PTGER4: variants seen among roughly 807,000 people sequenced by gnomAD.
The protein encoded by PTGER4 is prostaglandin E2 receptor EP4 subtype.
A neutral mutation model predicts 33.2 loss-of-function variants in PTGER4; 11 were observed. The ratio of observed to expected loss-of-function variants is 0.33; its 90% CI spans 0.21 to 0.55. PTGER4 has a LOEUF of 0.55. Ranked by LOEUF, PTGER4 falls within the 20% of genes least tolerant of loss-of-function variation. The probability of loss-of-function intolerance (pLI) is 0.92; values close to 1 mark genes in which losing one functional copy is unlikely to be tolerated. For missense variants in PTGER4, 481 were observed against 650.2 expected (o/e 0.74, Z 2.83); for synonymous variants, 275 against 281.5 (o/e 0.98, Z 0.23).
the PTGER4 span, among the ~76,000 whole-genome samples, chr5:40,727,744 T>C: frequency 2.0e-5 from 3 of 152,202 alleles, no homozygotes; most frequent in Admixed American, 2.0e-4. Context: ...AGTTGCCTAT[T>C]GTCTATTTAA....
At chr5:40,715,127 TAAC>T in the PTGER4 span, 1 of 152,222 alleles carries the variant, frequency 6.6e-6, no homozygotes, top group East Asian at 1.9e-4. Flanking sequence ...GGCACTCTAA[TAAC>T]AGCCCTACTT....
the PTGER4 span, among the ~76,000 whole-genome samples, chr5:40,741,713 G>A: frequency 1.5e-3 from 227 of 152,244 alleles, no homozygotes; most frequent in African/African-American, 5.4e-3. Context: ...GCTCAGCCAC[G>A]CACGGTAGCT....
chr5:40,716,057 CCTAT>C, the PTGER4 span: 15 of 1,123,132 alleles, frequency 1.3e-5, no homozygotes, highest in Admixed American at 6.0e-5. Context: ...CAGGCGTTCT[CCTAT>C]CTATCTCCAG....
the PTGER4 span, among the ~76,000 whole-genome samples, chr5:40,722,647 A>T: frequency 6.6e-6 from 1 of 150,586 alleles, no homozygotes; most frequent in Non-Finnish European, 1.5e-5. Context: ...CCCGTCTGGG[A>T]AGTGAGGCGT....
chr5:40,730,615 C>T, the PTGER4 span, among the ~76,000 whole-genome samples: 10 of 152,144 alleles, frequency 6.6e-5, no homozygotes, highest in African/African-American at 2.2e-4. Context: ...CCTCCACCCC[C>T]GGGCAAACAC....
downstream of PTGER4, chr5:40,696,702 A>C: frequency 4.1e-6 from 4 of 985,098 alleles, no homozygotes; most frequent in Non-Finnish European, 4.8e-6. Context: ...AGAGAACACC[A>C]GTCACTTTTC....
At chr5:40,689,864 CTAAA>C (rs766290329) in intron 2 of PTGER4, among the ~76,000 whole-genome samples, 2 of 152,094 alleles carry the variant, frequency 1.3e-5, no homozygotes, top group South Asian at 4.1e-4. Context: ...GAAATAATTA[CTAAA>C]TAATTACTTA....
Position 40,692,080 on chromosome 5 carries a change from G to A in PTGER4, c.1169G>A (p.Ser390Asn), listed in dbSNP as rs1741488325. ...TCCCGGGAGCTGAAGGAGATCAGCAGTACATCTCAGACCCTCCTGCCAGAC... is the reference window on the plus strand; with the variant it reads ...TCCCGGGAGCTGAAGGAGATCAGCAATACATCTCAGACCCTCCTGCCAGAC... ...FISRELKEIS[S>N]TSQTLLPDLS... The change falls in exon 3 of 3, where the codon AGT (serine) becomes AAT (asparagine). Residue 390 changes from serine (S) to asparagine (N), a missense_variant. By Grantham distance (46) the Ser-to-Asn change is conservative. Coordinates refer to ENST00000302472, the MANE Select transcript of PTGER4 (RefSeq NM_000958.3). 1 of 1,614,102 alleles carries A rather than the reference G, an allele frequency of 6.2e-7. No homozygotes were observed. The highest frequency in any genetic ancestry group is 8.5e-7 in the Non-Finnish European group (1 of 1,180,052).
At chr5:40,722,319 G>C in the PTGER4 span, among the ~76,000 whole-genome samples, 2 of 152,152 alleles carry the variant, frequency 1.3e-5, no homozygotes, top group Admixed American at 6.5e-5. Context: ...TCCTCTGCCC[G>C]GCCGCCACCC....
the PTGER4 span, among the ~76,000 whole-genome samples, chr5:40,717,534 G>T: frequency 6.6e-6 from 1 of 152,280 alleles, no homozygotes; most frequent in Non-Finnish European, 1.5e-5. Context: ...TGGAAGGGCT[G>T]TCCTCTATAA....
At chr5:40,723,962 G>A in the PTGER4 span, among the ~76,000 whole-genome samples, 1 of 152,144 alleles carries the variant, frequency 6.6e-6, no homozygotes, top group Non-Finnish European at 1.5e-5. Context: ...AAATGGTGTA[G>A]CCATTATGGA....
Position 40,692,087 on chromosome 5 carries a change from T to G in PTGER4, c.1176T>G (p.Ser392=). ...AGCTGAAGGAGATCAGCAGTACATCTCAGACCCTCCTGCCAGACCTCTCAC... is the reference window on the plus strand; with the variant it reads ...AGCTGAAGGAGATCAGCAGTACATCGCAGACCCTCCTGCCAGACCTCTCAC... The part of the protein sequence containing the change: ...SRELKEISST[S]QTLLPDLSLP... Residue 392 remains serine (S), a synonymous_variant, in exon 3 of 3, where the codon TCT becomes TCG. Transcript: ENST00000302472. 6.2e-7 allele frequency: 1 copy of G among 1,614,210 alleles called. No individual in the cohort carries two copies. The highest frequency in any genetic ancestry group is 8.5e-7 in the Non-Finnish European group (1 of 1,180,038).
chr5:40,715,021 A>C, the PTGER4 span: 1 of 152,068 alleles, frequency 6.6e-6, no homozygotes, highest in African/African-American at 2.4e-5. Flanking sequence ...ACTTTCAATA[A>C]AATTTTTTTT....
the PTGER4 span, among the ~76,000 whole-genome samples, chr5:40,721,066 T>C: frequency 2.0e-5 from 3 of 152,102 alleles, no homozygotes; most frequent in Non-Finnish European, 4.4e-5. Context: ...CGAAGAAAAT[T>C]CCCAGCTCCC....
the PTGER4 span, among the ~76,000 whole-genome samples, chr5:40,731,291 G>A: frequency 1.3e-5 from 2 of 152,054 alleles, no homozygotes; most frequent in African/African-American, 4.8e-5. Flanking sequence ...ACACATACCT[G>A]TGCTCCACTC....
At chr5:40,729,119 G>A in the PTGER4 span, among the ~76,000 whole-genome samples, 1 of 152,092 alleles carries the variant, frequency 6.6e-6, no homozygotes, top group African/African-American at 2.4e-5. Context: ...TTATTATCAG[G>A]TTCCAAATTA....
At chr5:40,689,175 G>T (rs1210021015) in intron 2 of PTGER4, among the ~76,000 whole-genome samples, 1 of 152,176 alleles carries the variant, frequency 6.6e-6, no homozygotes, top group East Asian at 1.9e-4. Context: ...CAGTTTTGCT[G>T]CCAAAATAAG....
chr5:40,697,933 T>C (rs574434831), downstream of PTGER4, among the ~76,000 whole-genome samples: 2 of 151,306 alleles, frequency 1.3e-5, no homozygotes, highest in African/African-American at 4.8e-5. Flanking sequence ...TGTGCAGCCA[T>C]AAAAAAGAAT....
chr5:40,720,081 G>C, the PTGER4 span, among the ~76,000 whole-genome samples: 507 of 152,164 alleles, frequency 3.3e-3, 5 homozygotes, highest in African/African-American at 0.012. Context: ...TGTTGTTTGT[G>C]CTTCCAATGT....
Sources: allele counts gnomAD v4.1 joint callset (sites outside exome capture counted in the v4.1 genomes callset), GRCh38; gene constraint gnomAD v4.1.1; transcripts MANE v1.5; gene names NCBI Gene and HGNC (gene_info 2026-07-23, HGNC 2026-07-21).